The following CEP43 variants were observed in gnomAD, a reference collection of about 807,000 sequenced individuals.
CEP43 encodes centrosomal protein 43.
CEP43 carries 36 observed loss-of-function variants against 52.6 expected under a neutral mutation model. That is an observed-to-expected ratio of 0.68 (90% CI 0.52 to 0.90). The LOEUF (loss-of-function observed/expected upper bound fraction) is 0.90. Ranked by LOEUF, CEP43 falls within the 40% of genes least tolerant of loss-of-function variation. The pLI is 0.00. For missense variants in CEP43, 506 were observed against 472.8 expected (o/e 1.07, Z -0.65); for synonymous variants, 192 against 172.4 (o/e 1.11, Z -0.89).
At chr6:167,004,691 CCATT>C (rs145411976) in intron 5 of CEP43, among the ~76,000 whole-genome samples, 3,100 of 152,260 alleles carry the variant, frequency 0.02, 58 homozygotes, top group East Asian at 0.095. Context: ...ACTTGATCCT[CCATT>C]CATTCCATAC....
chr6:167,021,841 T>C (rs900486200), intron 7 of CEP43, among the ~76,000 whole-genome samples: 1 of 152,202 alleles, frequency 6.6e-6, no homozygotes, highest in Non-Finnish European at 1.5e-5. Context: ...GAAATATGAG[T>C]GGTTGAAGGC....
Position 167,000,003 on chromosome 6 carries a change from C to G in CEP43, c.103-57C>G, listed in dbSNP as rs200495785. 2.8e-6 allele frequency: 4 copies of G among 1,448,222 alleles called. No homozygotes were observed. The Middle Eastern group carries it at 7.0e-4, about 253-fold the overall frequency. The allele number at this position is 1,448,222 out of a possible 1,614,324, so 89.7% of individuals were successfully genotyped here. On this transcript the variant is annotated intron_variant, in intron 1 of 12. Coordinates refer to ENST00000366847, the MANE Select transcript of CEP43 (RefSeq NM_007045.4). ...GTGTTTGTTGCTGGATAAATGTGAG[C>G]TTGTTGTGAAAATTGTCTTGAAATT...
rs1780878887 is a variant in CEP43, at chr6:167,052,312, T to C, written c.*12334T>C. On this transcript the variant is annotated 3_prime_UTR_variant, in exon 13 of 13. Coordinates refer to ENST00000366847, the MANE Select transcript of CEP43 (RefSeq NM_007045.4). ...TACTTATTTATATAATTTTATGTTT[T>C]TTAAAGAACCTGAGACTGGAAGTGA... 1 of 152,174 alleles carries C rather than the reference T, an allele frequency of 6.6e-6. No individual in the cohort carries two copies. Among genetic ancestry groups the C allele is most frequent in the Admixed American group, 6.5e-5 (1 of 15,280 alleles). The allele number at this position is 152,174 out of a possible 1,614,324, so 9.4% of individuals were successfully genotyped here.
chr6:167,021,731 C>T (rs150746937), intron 7 of CEP43, among the ~76,000 whole-genome samples: 9 of 152,016 alleles, frequency 5.9e-5, no homozygotes, highest in Admixed American at 1.3e-4. Context: ...CACACACACA[C>T]GTATATATGT....
Position 167,040,697 on chromosome 6 carries a change from GTCGTAGGTTCTCTTCAT to G in CEP43, c.*721_*737del. 1 of 1,020,038 alleles carries G rather than the reference GTCGTAGGTTCTCTTCAT, an allele frequency of 9.8e-7. No individual in the cohort carries two copies. Among genetic ancestry groups the G allele is most frequent in the African/African-American group, 1.7e-5 (1 of 58,890 alleles). 63.2% of individuals were successfully genotyped at this position (1,020,038 alleles called of 1,614,324 possible). ...CCTGTTATCCATGTAAGCAGCTTTA[GTCGTAGGTTCTCTTCAT>G]TATAATTTATTATCTGTAAAGATTC... On this transcript the variant is annotated 3_prime_UTR_variant, in exon 13 of 13. Transcript: ENST00000366847.
intron 10 of CEP43, among the ~76,000 whole-genome samples, chr6:167,030,628 C>G (rs1299870243): frequency 2.0e-5 from 3 of 152,182 alleles, no homozygotes; most frequent in African/African-American, 7.2e-5. Flanking sequence ...GATATTCTTC[C>G]CACCCCATAT....
rs374763053 is a variant in CEP43 at position 167,024,774 on chromosome 6, C to T, written c.807-8C>T. On this transcript the variant is annotated splice_polypyrimidine_tract_variant and splice_region_variant and intron_variant, in intron 8 of 12. Transcript: ENST00000366847. ...GAGCACCGATTAACTGTCCTTGTTT[C>T]TTGTTAGGAGGAAGGAACCTAGGAA... is the stretch of plus-strand genomic sequence containing the variant. 39 of 1,603,110 alleles carry T rather than the reference C, an allele frequency of 2.4e-5. No homozygotes were observed. Among genetic ancestry groups the T allele is most frequent in the Non-Finnish European group, 3.1e-5 (36 of 1,171,812 alleles).
At chr6:167,010,454 G>A (rs569253340) in intron 5 of CEP43, among the ~76,000 whole-genome samples, 61 of 152,124 alleles carry the variant, frequency 4.0e-4, no homozygotes, top group Non-Finnish European at 7.4e-4. Flanking sequence ...AATTCAAGGA[G>A]GGCAAAAAGT....
At chr6:167,012,149 C>T (rs781307283) in intron 6 of CEP43, among the ~76,000 whole-genome samples, 12 of 152,112 alleles carry the variant, frequency 7.9e-5, no homozygotes, top group South Asian at 2.1e-4. Context: ...TTATACTACA[C>T]GATACCTTTC....
rs1183107114 is a variant in CEP43 at position 167,039,924 on chromosome 6, T to A, written c.1146T>A (p.Asp382Glu). The change falls in exon 13 of 13, where the codon GAT (aspartate) becomes GAA (glutamate). Residue 382 changes from aspartate to glutamate, a missense_variant. Transcript: ENST00000366847. ...CAAAGCTTGATGACCTCACACAAGA[T>A]CTGACTGTATCCCAGCTCAGTGATG... The part of the protein sequence containing the change: ...TSDKLDDLTQ[D>E]LTVSQLSDVA... The A allele has an allele frequency of 2.5e-6, 4 of 1,613,788 alleles. No individual in the cohort carries two copies. The highest frequency in any genetic ancestry group is 3.4e-6 in the Non-Finnish European group (4 of 1,179,666).
rs2038580 is a variant in CEP43 at position 167,043,002 on chromosome 6, A to T, written c.*3024A>T. The T allele has an allele frequency of 0.31, 47,878 of 152,146 alleles. 8,261 individuals carry two copies. The highest frequency in any genetic ancestry group is 0.42 in the Middle Eastern group (124 of 298). The allele number at this position is 152,146 out of a possible 1,614,324, so 9.4% of individuals were successfully genotyped here. ...GGTTTCTGGCTAGGCAGCTGGAACA[A>T]TCTACAAAATCTGAGGGGAAAGCTG... On this transcript the variant is annotated 3_prime_UTR_variant, in exon 13 of 13. Coordinates refer to ENST00000366847, the MANE Select transcript of CEP43 (RefSeq NM_007045.4).
intron 7 of CEP43, among the ~76,000 whole-genome samples, chr6:167,021,125 A>G (rs1240155966): frequency 1.3e-5 from 2 of 152,040 alleles, no homozygotes; most frequent in Non-Finnish European, 2.9e-5. Flanking sequence ...ACTACATTCC[A>G]GATTCCTTGT....
At chr6:167,019,192 TTGA>T in intron 7 of CEP43, among the ~76,000 whole-genome samples, 1 of 152,366 alleles carries the variant, frequency 6.6e-6, no homozygotes, top group Admixed American at 6.5e-5. Flanking sequence ...CACTTGACGG[TTGA>T]TGAGGTGAAG....
Position 167,047,099 on chromosome 6 carries a change from G to C in CEP43, c.*7121G>C, listed in dbSNP as rs1164466396. ...AGAATGCCTGTGTGCTCTGCATGGG[G>C]ATGTAAAGGTGTGAGCAAACCTTCT... On this transcript the variant is annotated 3_prime_UTR_variant, in exon 13 of 13. Coordinates refer to ENST00000366847, the MANE Select transcript of CEP43 (RefSeq NM_007045.4). 6.6e-6 allele frequency: 1 copy of C among 152,346 alleles called. No individual in the cohort carries two copies. The highest frequency in any genetic ancestry group is 1.5e-5 in the Non-Finnish European group (1 of 68,154). The allele number at this position is 152,346 out of a possible 1,614,324, so 9.4% of individuals were successfully genotyped here. A position where few individuals can be genotyped will look rare whatever the true frequency, so the allele number is the denominator to read the frequency against.
Position 167,040,583 on chromosome 6 carries a change from G to C in CEP43, c.*605G>C. On this transcript the variant is annotated 3_prime_UTR_variant, in exon 13 of 13. Coordinates refer to ENST00000366847, the MANE Select transcript of CEP43 (RefSeq NM_007045.4). Reference sequence around the variant, plus strand: ...AAAGTACTCTTGTGTGTGCTATTTAGTTTTGCTTGTTTTAAAGAAATCTAG... The same window carrying C: ...AAAGTACTCTTGTGTGTGCTATTTACTTTTGCTTGTTTTAAAGAAATCTAG... 1 of 1,048,886 alleles carries C rather than the reference G, an allele frequency of 9.5e-7. No individual in the cohort carries two copies. The highest frequency in any genetic ancestry group is 1.2e-6 in the Non-Finnish European group (1 of 866,612). The allele number at this position is 1,048,886 out of a possible 1,614,324, so 65.0% of individuals were successfully genotyped here.
intron 7 of CEP43, among the ~76,000 whole-genome samples, chr6:167,013,954 CAG>C (rs1209045242): frequency 2.0e-5 from 3 of 152,150 alleles, no homozygotes; most frequent in African/African-American, 7.2e-5. Flanking sequence ...GCATGGGTGA[CAG>C]AGTGAGACTC....
intron 2 of CEP43, 91 bp downstream of exon 2, chr6:167,000,204 C>T (rs747287541): frequency 6.2e-6 from 6 of 971,976 alleles, no homozygotes; most frequent in South Asian, 1.5e-5. Context: ...TTTATAGTAA[C>T]ATATAGCTAG....
chr6:167,008,217 T>C (rs1779898455), intron 5 of CEP43, among the ~76,000 whole-genome samples: 1 of 152,140 alleles, frequency 6.6e-6, no homozygotes, highest in African/African-American at 2.4e-5. Context: ...CGCCTTCTCT[T>C]ATTTCGTTAT....
At chr6:167,017,156 C>T (rs990016970) in intron 7 of CEP43, among the ~76,000 whole-genome samples, 6 of 151,768 alleles carry the variant, frequency 4.0e-5, no homozygotes, top group Admixed American at 2.6e-4. Context: ...CCACCAAGCC[C>T]GGCTAATTTT....
Sources: allele counts gnomAD v4.1 joint callset (sites outside exome capture counted in the v4.1 genomes callset), GRCh38; gene constraint gnomAD v4.1.1; transcripts MANE v1.5; gene names NCBI Gene and HGNC (gene_info 2026-07-23, HGNC 2026-07-21).